PTPRM: variants seen among roughly 807,000 people sequenced by gnomAD.
PTPRM encodes the protein protein tyrosine phosphatase receptor type M.
In PTPRM, 47 loss-of-function variants were observed where a neutral mutation model predicts 186.7. The ratio of observed to expected loss-of-function variants is 0.25; its 90% CI spans 0.20 to 0.32. PTPRM has a LOEUF of 0.32. PTPRM is among the 10% of genes least tolerant of loss of function. PTPRM has a pLI of 1.00. For missense variants in PTPRM, 1,494 were observed against 1,865.0 expected (o/e 0.80, Z 3.66); for synonymous variants, 668 against 674.9 (o/e 0.99, Z 0.16).
At chr18:8,306,087 G>A (rs1165474977) in intron 20 of PTPRM, among the ~76,000 whole-genome samples, 3 of 151,996 alleles carry the variant, frequency 2.0e-5, no homozygotes, top group Non-Finnish European at 4.4e-5. Flanking sequence ...GGTAGAGACG[G>A]AGTTTCTTCA....
chr18:7,880,254 T>C (rs60419110), intron 2 of PTPRM, among the ~76,000 whole-genome samples: 24,610 of 152,190 alleles, frequency 0.16, 2,292 homozygotes, highest in East Asian at 0.41. Context: ...TTAGAGAGTT[T>C]TACTTCAGCT....
intron 4 of PTPRM, among the ~76,000 whole-genome samples, chr18:7,910,204 T>C (rs1460655448): frequency 6.6e-6 from 1 of 152,208 alleles, no homozygotes; most frequent in East Asian, 1.9e-4. Flanking sequence ...ATTCACAGAG[T>C]ATGTACCCGC....
At chr18:8,231,493 A>C (rs116495506) in intron 14 of PTPRM, among the ~76,000 whole-genome samples, 342 of 152,336 alleles carry the variant, frequency 2.2e-3, no homozygotes, top group African/African-American at 7.7e-3. Context: ...TGAAGAGTTC[A>C]TTCTTCACCA....
At chr18:7,690,793 G>A (rs2039714891) in intron 1 of PTPRM, among the ~76,000 whole-genome samples, 1 of 152,158 alleles carries the variant, frequency 6.6e-6, no homozygotes, top group African/African-American at 2.4e-5. Context: ...TTCAGGGAAA[G>A]CCTAACATTT....
chr18:7,627,149 A>G (rs1425311263), intron 1 of PTPRM, among the ~76,000 whole-genome samples: 1 of 152,066 alleles, frequency 6.6e-6, no homozygotes, highest in African/African-American at 2.4e-5. Flanking sequence ...TGTTGTTTCC[A>G]TCCCTGCCAT....
chr18:7,585,169 C>T (rs187910542), intron 1 of PTPRM, among the ~76,000 whole-genome samples: 1 of 152,164 alleles, frequency 6.6e-6, no homozygotes, highest in Non-Finnish European at 1.5e-5. Flanking sequence ...ACAATAGACA[C>T]GGGAGCTGCC....
chr18:8,240,835 AAAGAAAGAAAAG>A (rs140247058), intron 14 of PTPRM, among the ~76,000 whole-genome samples: 2,805 of 131,592 alleles, frequency 0.021, 70 homozygotes, highest in East Asian at 0.047. Flanking sequence ...AGAAAGAAAG[AAAGAAAGAAAAG>A]AAAGAAAGAA....
chr18:8,165,117 G>A (rs543164542), intron 14 of PTPRM, among the ~76,000 whole-genome samples: 13 of 151,056 alleles, frequency 8.6e-5, no homozygotes, highest in East Asian at 5.8e-4. Flanking sequence ...TGCAGTAAGC[G>A]GAGATCACGC....
At chr18:7,771,696 C>T (rs2042276249) in intron 1 of PTPRM, among the ~76,000 whole-genome samples, 1 of 152,152 alleles carries the variant, frequency 6.6e-6, no homozygotes, top group Admixed American at 6.5e-5. Flanking sequence ...ATCTAGAAAG[C>T]TGGGACAGAC....
chr18:8,091,966 C>T (rs2090756940), intron 11 of PTPRM, among the ~76,000 whole-genome samples: 1 of 152,044 alleles, frequency 6.6e-6, no homozygotes, highest in Admixed American at 6.5e-5. Flanking sequence ...TGGAAGCGAA[C>T]ATCTGTTTGC....
At chr18:8,354,096 C>T (rs904973779) in intron 23 of PTPRM, among the ~76,000 whole-genome samples, 5 of 151,916 alleles carry the variant, frequency 3.3e-5, no homozygotes, top group African/African-American at 7.3e-5. Flanking sequence ...GCCTGTAATC[C>T]CAGCTACTTG....
intron 13 of PTPRM, among the ~76,000 whole-genome samples, chr18:8,120,684 TG>T (rs982114024): frequency 6.6e-6 from 1 of 152,136 alleles, no homozygotes; most frequent in East Asian, 1.9e-4. Context: ...TTTTTAGAGA[TG>T]GGGTTTCACC....
At chr18:7,926,877 T>C (rs186423018) in intron 5 of PTPRM, among the ~76,000 whole-genome samples, 194 bp downstream of exon 5, 3 of 152,302 alleles carry the variant, frequency 2.0e-5, no homozygotes, top group Admixed American at 6.5e-5. Flanking sequence ...ATTTCTTTTT[T>C]TTTTCCTTTG....
At chr18:7,820,610 C>G (rs747386251) in intron 2 of PTPRM, among the ~76,000 whole-genome samples, 37 of 152,178 alleles carry the variant, frequency 2.4e-4, no homozygotes, top group Non-Finnish European at 5.1e-4. Context: ...GAGGCACCCC[C>G]AGTCAGAGTG....
chr18:7,912,333 A>G (rs1450309661), intron 4 of PTPRM, among the ~76,000 whole-genome samples: 1 of 152,154 alleles, frequency 6.6e-6, no homozygotes, highest in African/African-American at 2.4e-5. Flanking sequence ...AAATTAATTA[A>G]TAAATATAAA....
intron 14 of PTPRM, among the ~76,000 whole-genome samples, chr18:8,212,602 A>C (rs1568533061): frequency 6.6e-6 from 1 of 152,166 alleles, no homozygotes; most frequent in Non-Finnish European, 1.5e-5. Flanking sequence ...GCCAAAAGTC[A>C]GAGACCAACC....
At chr18:7,717,271 A>T (rs2040355305) in intron 1 of PTPRM, among the ~76,000 whole-genome samples, 1 of 151,822 alleles carries the variant, frequency 6.6e-6, no homozygotes, top group African/African-American at 2.4e-5. Flanking sequence ...GCCCGTAAAA[A>T]CCCCAGACTC....
intron 4 of PTPRM, among the ~76,000 whole-genome samples, chr18:7,921,220 A>G (rs2050841573): frequency 6.6e-6 from 1 of 151,940 alleles, no homozygotes; most frequent in South Asian, 2.1e-4. Context: ...TAATTCTTAA[A>G]TTTGATATTT....
At chr18:7,878,992 C>T (rs2048369502) in intron 2 of PTPRM, among the ~76,000 whole-genome samples, 2 of 152,248 alleles carry the variant, frequency 1.3e-5, no homozygotes, top group African/African-American at 2.4e-5. Context: ...CAGTCATTAG[C>T]GTCATCAGAT....
Sources: gnomAD v4.1 joint callset for allele counts (sites outside exome capture counted in the v4.1 genomes callset) on GRCh38, gnomAD v4.1.1 for gene constraint, MANE v1.5 for transcripts, NCBI Gene and HGNC (gene_info 2026-07-23, HGNC 2026-07-21) for gene names.